Variants in RASSF4 observed in about 807,000 individuals in gnomAD.
RASSF4 encodes the protein ras association domain-containing protein 4.
RASSF4 carries 38 observed loss-of-function variants against 41.1 expected under a neutral mutation model. The ratio of observed to expected loss-of-function variants is 0.92; its 90% confidence interval spans 0.71 to 1.21. The LOEUF (loss-of-function observed/expected upper bound fraction) is 1.21, where lower values mean the gene tolerates loss of function less well. RASSF4 is among the 50% of genes most tolerant of loss of function. The pLI is 0.00. For synonymous variants in RASSF4, 179 were observed against 163.4 expected (o/e 1.10, Z -0.73); for missense variants, 414 against 419.4 (o/e 0.99, Z 0.11).
intron 5 of RASSF4, 174 bp downstream of exon 5, chr10:44,984,287 C>G (rs1377448645): frequency 1.6e-6 from 1 of 629,130 alleles, no homozygotes; most frequent in Non-Finnish European, 2.7e-6. Flanking sequence ...CCCTCATTCT[C>G]GCTCCTTTTT....
chr10:44,962,218 G>T (rs1326084548), intron 1 of RASSF4, among the ~76,000 whole-genome samples: 1 of 152,222 alleles, frequency 6.6e-6, no homozygotes, highest in Non-Finnish European at 1.5e-5. Flanking sequence ...AAACTCACAT[G>T]CAAGGCTCTA....
At chr10:44,961,959 C>T (rs1325418898) in intron 1 of RASSF4, among the ~76,000 whole-genome samples, 1 of 152,170 alleles carries the variant, frequency 6.6e-6, no homozygotes. Flanking sequence ...TTGTAGTTCC[C>T]GGGGTCTCCT....
chr10:44,960,612 G>A (rs1840673941), intron 1 of RASSF4, among the ~76,000 whole-genome samples: 1 of 152,202 alleles, frequency 6.6e-6, no homozygotes, highest in Non-Finnish European at 1.5e-5. Context: ...TCATTAACCT[G>A]GCACGGCGGA....
intron 1 of RASSF4, among the ~76,000 whole-genome samples, chr10:44,965,737 G>C (rs1840878354): frequency 6.6e-6 from 1 of 152,182 alleles, no homozygotes; most frequent in South Asian, 2.1e-4. Flanking sequence ...CCCTGGGATG[G>C]TGTGCCCCGT....
chr10:44,989,475 T>C, intron 7 of RASSF4, 100 bp downstream of exon 7: 1 of 984,126 alleles, frequency 1.0e-6, no homozygotes, highest in Non-Finnish European at 1.6e-6. Context: ...AGAAGCTGCC[T>C]GGGCAGAAGG....
chr10:44,963,361 G>GTA (rs1840780880), intron 1 of RASSF4, among the ~76,000 whole-genome samples: 1 of 152,154 alleles, frequency 6.6e-6, no homozygotes, highest in Non-Finnish European at 1.5e-5. Flanking sequence ...TTGGCTGAGG[G>GTA]TACCCCCTCA....
intron 1 of RASSF4, among the ~76,000 whole-genome samples, chr10:44,969,512 G>A (rs562405061): frequency 6.6e-6 from 1 of 152,326 alleles, no homozygotes; most frequent in South Asian, 2.1e-4. Flanking sequence ...ACCAGAATCA[G>A]GGGTCCAAAT....
chr10:44,975,166 A>AG (rs1841356604), intron 3 of RASSF4, among the ~76,000 whole-genome samples: 1 of 152,080 alleles, frequency 6.6e-6, no homozygotes, highest in Admixed American at 6.5e-5. Context: ...TCCTCGGCCC[A>AG]GGGACCCCTC....
intron 6 of RASSF4, among the ~76,000 whole-genome samples, chr10:44,987,577 G>T (rs1841965293): frequency 6.8e-6 from 1 of 147,270 alleles, no homozygotes. Context: ...GCAGATTTTT[G>T]CAAATGGAAG....
At chr10:44,990,713 C>A (rs1670486445) in intron 8 of RASSF4, 6 of 388,154 alleles carry the variant, frequency 1.5e-5, no homozygotes, top group Admixed American at 7.7e-5. Context: ...GTATCTTCTT[C>A]TTCTCAATTG....
rs549083750 is a variant in RASSF4 at position 44,977,050 on chromosome 10, C to T, written c.138+5202C>T. ...TGATGGTAGCTACTCAGCCAGTGGG[C>T]TCCTATATGCGGTTACACGTCAGAA... On this transcript the variant is annotated intron_variant, in intron 3 of 10. Transcript: ENST00000340258. 8.9e-5 allele frequency: 17 copies of T among 191,806 alleles called. No homozygotes were observed. In the South Asian group the frequency reaches 2.9e-3, roughly 33 times the overall value. 11.9% of individuals were successfully genotyped at this position (191,806 alleles called of 1,614,324 possible). A position where few individuals can be genotyped will look rare whatever the true frequency, so the allele number is the denominator to read the frequency against.
intron 9 of RASSF4, 115 bp downstream of exon 9, chr10:44,991,184 A>T (rs1214250950): frequency 9.9e-7 from 1 of 1,010,790 alleles, no homozygotes; most frequent in Non-Finnish European, 1.4e-6. Context: ...CAGGAGCTCC[A>T]CACTCTCCCA....
At chr10:44,975,388 T>C in intron 3 of RASSF4, among the ~76,000 whole-genome samples, 1 of 151,818 alleles carries the variant, frequency 6.6e-6, no homozygotes. Flanking sequence ...CTCTGGGCAG[T>C]GCCTTGTGTC....
intron 10 of RASSF4, among the ~76,000 whole-genome samples, chr10:44,992,480 A>G (rs1842151788): frequency 1.3e-5 from 2 of 152,226 alleles, no homozygotes; most frequent in Admixed American, 1.3e-4. Flanking sequence ...TCAGGTGCAG[A>G]GGGCTAGTTC....
At chr10:44,982,459 AG>A in intron 3 of RASSF4, 61 bp from the exon 4 acceptor site, 1 of 1,582,692 alleles carries the variant, frequency 6.3e-7, no homozygotes, top group Non-Finnish European at 8.6e-7. Context: ...TCCCATCCCT[AG>A]GGGGCACAGG....
At chr10:44,965,893 C>T (rs1840884866) in intron 1 of RASSF4, among the ~76,000 whole-genome samples, 1 of 152,122 alleles carries the variant, frequency 6.6e-6, no homozygotes, top group East Asian at 1.9e-4. Flanking sequence ...CAGTCATGGC[C>T]GGAGACACTC....
At chr10:44,977,388 G>C (rs746339550) in intron 3 of RASSF4, 1 of 1,562,214 alleles carries the variant, frequency 6.4e-7, no homozygotes, top group Non-Finnish European at 8.7e-7. Context: ...TTACTGGGGA[G>C]GGGTCAGAGT....
intron 3 of RASSF4, chr10:44,982,228 G>GT (rs1841736773): frequency 2.2e-6 from 1 of 454,160 alleles, no homozygotes; most frequent in Non-Finnish European, 3.9e-6. Context: ...TCACCGCGGT[G>GT]TGGACGTGCC....
chr10:44,984,894 A>C lies in RASSF4; in HGVS notation c.455A>C (p.Lys152Thr). 6.2e-7 allele frequency: 1 copy of C among 1,613,594 alleles called. No homozygotes were observed. Among genetic ancestry groups the C allele is most frequent in the Non-Finnish European group, 8.5e-7 (1 of 1,180,028 alleles). The stretch of plus-strand genomic sequence containing the variant: ...AGTTGCATGAGCCAGAGGAGGCCCA[A>C]GTGCCGCGCCCCCGGTGAGGCCCAG... ...DASCMSQRRP[K>T]CRAPGEAQRI... is the part of the protein sequence containing the mutation. Residue 152 changes from lysine to threonine, a missense_variant, in exon 6 of 11, where the codon AAG (lysine) becomes ACG (threonine). By Grantham distance (78) the Lys-to-Thr change is moderately conservative. Coordinates refer to ENST00000340258, the MANE Select transcript of RASSF4 (RefSeq NM_032023.4).
Sources: gnomAD v4.1 joint callset for allele counts (sites outside exome capture counted in the v4.1 genomes callset) on GRCh38, gnomAD v4.1.1 for gene constraint, MANE v1.5 for transcripts, NCBI Gene and HGNC (gene_info 2026-07-23, HGNC 2026-07-21) for gene names.